SCAF11: variants seen among roughly 807,000 people sequenced by gnomAD.
SCAF11 encodes the protein SR-related CTD associated factor 11, also known as protein SCAF11.
Under a neutral mutation model 140.5 loss-of-function variants are expected in SCAF11, and 47 were observed. The ratio of observed to expected loss-of-function variants is 0.33; its 90% CI spans 0.26 to 0.43. The LOEUF (loss-of-function observed/expected upper bound fraction) is 0.43. Among genes scored for constraint, SCAF11 ranks in the 20% least tolerant of loss-of-function variants. The pLI, the probability that SCAF11 is intolerant of heterozygous loss-of-function variation, is 1.00. For missense variants in SCAF11, 1,645 were observed against 1,705.1 expected (o/e 0.96, Z 0.62); for synonymous variants, 557 against 579.4 (o/e 0.96, Z 0.55).
At chr12:45,954,275 A>T (rs550717542) in intron 3 of SCAF11, among the ~76,000 whole-genome samples, 1 of 152,024 alleles carries the variant, frequency 6.6e-6, no homozygotes, top group East Asian at 1.9e-4. Context: ...TCTGTCCCCC[A>T]GGCTGGAGTG....
chr12:45,957,512 A>G (rs182118830), intron 3 of SCAF11, among the ~76,000 whole-genome samples: 1 of 152,250 alleles, frequency 6.6e-6, no homozygotes. Context: ...CTTCATTTCT[A>G]GTTTAGGAGA....
In SCAF11 at chr12:45,934,188, T is replaced by C. The variant is rs751898209; in HGVS notation, c.620A>G (p.Tyr207Cys). The C allele has an allele frequency of 1.6e-5, 25 of 1,564,536 alleles. No individual in the cohort carries two copies. Among genetic ancestry groups the C allele is most frequent in the East Asian group, 1.6e-4 (7 of 44,512 alleles). The change falls in exon 8 of 15, where the codon TAT becomes TGT. Residue 207 changes from tyrosine to cysteine, a missense_variant. Tyr to Cys is a radical substitution (Grantham distance 194). Around this residue, in one of 2 missense-constraint regions of SCAF11, gnomAD observed 1,582 missense variants for 1,609.2 expected, o/e 0.98. Transcript: ENST00000369367. Reference sequence around the variant, plus strand: ...AGAAAATACTAACCAATAAGCTCTATAGGTAAAGGAAGATTCTCCAGAGTG... The same window carrying C: ...AGAAAATACTAACCAATAAGCTCTACAGGTAAAGGAAGATTCTCCAGAGTG... The part of the protein sequence containing the change: ...VSHSGESSFT[Y>C]RAYCTEFIEA...
chr12:45,983,198 G>C (rs1192706089), intron 1 of SCAF11, among the ~76,000 whole-genome samples: 2 of 152,038 alleles, frequency 1.3e-5, no homozygotes, highest in African/African-American at 4.8e-5. Context: ...GTTTAAATTG[G>C]GGATTTTGAG....
Position 45,921,836 on chromosome 12 carries a change from T to G in SCAF11, c.*212A>C. 7 of 514,852 alleles carry G rather than the reference T, an allele frequency of 1.4e-5. No homozygotes were observed. Among genetic ancestry groups the G allele is most frequent in the Admixed American group, 3.7e-5 (1 of 27,266 alleles). 31.9% of individuals were successfully genotyped at this position (514,852 alleles called of 1,614,324 possible). A position where few individuals can be genotyped will look rare whatever the true frequency, so the allele number is the denominator to read the frequency against. On this transcript the variant is annotated 3_prime_UTR_variant, in exon 15 of 15. Coordinates refer to ENST00000369367, the MANE Select transcript of SCAF11 (RefSeq NM_004719.3). ...TTTAAACCCTTTACTTTCCCTTGAA[T>G]TTTGTGGGGGAGGGTGGAGGGGAAG...
chr12:45,977,703 A>G (rs1294950815), intron 1 of SCAF11, among the ~76,000 whole-genome samples: 4 of 152,134 alleles, frequency 2.6e-5, no homozygotes, highest in African/African-American at 9.7e-5. Context: ...CAGTTGTTCC[A>G]ATTCTTATAA....
chr12:45,951,227 T>C (rs760052711), intron 4 of SCAF11, among the ~76,000 whole-genome samples: 11 of 152,156 alleles, frequency 7.2e-5, no homozygotes, highest in Non-Finnish European at 1.5e-4. Context: ...GGAGTTGGTC[T>C]TTGAATCTAA....
At chr12:45,938,827 C>G (rs1449842062) in intron 6 of SCAF11, among the ~76,000 whole-genome samples, 2 of 148,642 alleles carry the variant, frequency 1.3e-5, no homozygotes, top group Non-Finnish European at 3.0e-5. Context: ...TTAGATGGAT[C>G]TAGTATGTAC....
intron 11 of SCAF11, among the ~76,000 whole-genome samples, 177 bp downstream of exon 11, chr12:45,925,965 A>G (rs1401985855): frequency 6.6e-6 from 1 of 152,216 alleles, no homozygotes; most frequent in African/African-American, 2.4e-5. Context: ...TAATATACTT[A>G]TGTAGATAAA....
At chr12:45,953,990 T>A (rs1214380547) in intron 3 of SCAF11, 1 of 253,880 alleles carries the variant, frequency 3.9e-6, no homozygotes, top group Non-Finnish European at 6.4e-6. Context: ...AGACATGAGT[T>A]CTTAACAATT....
chr12:45,990,997 G>A (rs1392633015), upstream of SCAF11, among the ~76,000 whole-genome samples: 3 of 152,260 alleles, frequency 2.0e-5, no homozygotes, highest in African/African-American at 4.8e-5. Context: ...GAGGCTTTAA[G>A]GGAACTGGAC....
chr12:45,985,775 A>G (rs2136673192), intron 1 of SCAF11, among the ~76,000 whole-genome samples: 1 of 152,364 alleles, frequency 6.6e-6, no homozygotes, highest in Middle Eastern at 3.4e-3. Context: ...TTTTAGATCT[A>G]GTTAAGCAAT....
At chr12:45,955,993 AAAT>A (rs1315024347) in intron 3 of SCAF11, 2 of 654,780 alleles carry the variant, frequency 3.1e-6, no homozygotes, top group African/African-American at 3.6e-5. Context: ...TGATAGAAAA[AAAT>A]AATCTTCCTA....
chr12:45,946,269 T>C lies in SCAF11; in HGVS notation c.399-956A>G, dbSNP rs537129977. Among the ~76,000 whole-genome samples, 4 of 152,292 alleles carry C rather than the reference T, an allele frequency of 2.6e-5. No individual in the cohort carries two copies. The South Asian group carries it at 8.3e-4, about 32-fold the overall frequency. Reference sequence around the variant, plus strand: ...GAGAGGTCCCAGGGTTTTATTGCTTTGGAAGGGAGAGGCAAAATTGAATGA... The same window carrying C: ...GAGAGGTCCCAGGGTTTTATTGCTTCGGAAGGGAGAGGCAAAATTGAATGA... On this transcript the variant is annotated intron_variant, in intron 5 of 14. Coordinates refer to ENST00000369367, the MANE Select transcript of SCAF11 (RefSeq NM_004719.3).
Position 45,926,635 on chromosome 12 carries a change from A to C in SCAF11, c.3066T>G (p.Asn1022Lys). ...CAGAGTTTATTTTTTCTGTTATCCA[A>C]TTGGGACAGTCATTTCTATGTTTGT... is the stretch of plus-strand genomic sequence containing the variant. ...SADKHRNDCP[N>K]WITEKINSGP... The change falls in exon 11 of 15, where the codon AAT (asparagine) becomes AAG (lysine). Residue 1022 changes from asparagine to lysine, a missense_variant. This residue lies in a region of SCAF11 where 1,582 missense variants were observed against 1,609.2 expected (regional missense o/e 0.98). Transcript: ENST00000369367. The C allele has an allele frequency of 6.2e-7, 1 of 1,613,890 alleles. No individual in the cohort carries two copies. The highest frequency in any genetic ancestry group is 8.5e-7 in the Non-Finnish European group (1 of 1,180,012).
chr12:45,976,799 G>T (rs1434847034), intron 1 of SCAF11, among the ~76,000 whole-genome samples: 1 of 151,946 alleles, frequency 6.6e-6, no homozygotes, highest in Non-Finnish European at 1.5e-5. Context: ...ACTAAAAAAG[G>T]AGCAAAGTAT....
At chr12:45,958,874 T>C (rs975187914) in intron 3 of SCAF11, among the ~76,000 whole-genome samples, 1 of 152,206 alleles carries the variant, frequency 6.6e-6, no homozygotes, top group Non-Finnish European at 1.5e-5. Context: ...AGACTGAAAC[T>C]AACTTTGATC....
intron 8 of SCAF11, 78 bp downstream of exon 8, chr12:45,934,098 G>T: frequency 1.2e-6 from 1 of 843,694 alleles, no homozygotes; most frequent in Non-Finnish European, 1.7e-6. Flanking sequence ...TGGGCCCAGA[G>T]TTTAAATTTC....
In SCAF11 at chr12:45,957,168, C is replaced by T. The variant is rs115571922; in HGVS notation, c.219+4532G>A. On this transcript the variant is annotated intron_variant, in intron 3 of 14. Coordinates refer to ENST00000369367, the MANE Select transcript of SCAF11 (RefSeq NM_004719.3). ...TACTACACAGGTACATTTACATTAC[C>T]GTTCACAGAGAGCTACATAACAGAG... Among the ~76,000 whole-genome samples, 1,446 of 152,070 alleles carry T rather than the reference C, an allele frequency of 9.5e-3. 22 individuals carry two copies. Among genetic ancestry groups the T allele is most frequent in the South Asian group, 0.068 (327 of 4,812 alleles).
chr12:45,983,960 T>C (rs1946404605), intron 1 of SCAF11, among the ~76,000 whole-genome samples: 1 of 152,188 alleles, frequency 6.6e-6, no homozygotes, highest in Admixed American at 6.5e-5. Context: ...GGTTTAAAGA[T>C]TGAGAACACT....
Sources: allele counts gnomAD v4.1 joint callset (sites outside exome capture counted in the v4.1 genomes callset), GRCh38; gene constraint gnomAD v4.1.1; regional missense constraint gnomAD v4.1.1; transcripts MANE v1.5; gene names NCBI Gene and HGNC (gene_info 2026-07-23, HGNC 2026-07-21).